The following RASA3 variants were observed in gnomAD, a reference collection of about 807,000 sequenced individuals.
RASA3 encodes ras GTPase-activating protein 3.
RASA3 carries 73 observed loss-of-function variants against 110.0 expected under a neutral mutation model. The ratio of observed to expected loss-of-function variants is 0.66; its 90% CI spans 0.55 to 0.81. RASA3 has a LOEUF of 0.81. RASA3 is among the 30% of genes least tolerant of loss of function. The pLI is 0.00. For missense variants in RASA3, 976 were observed against 1,113.2 expected (o/e 0.88, Z 1.75); for synonymous variants, 500 against 451.4 (o/e 1.11, Z -1.37).
At chr13:114,126,945 GC>G (rs1214044880) in intron 1 of RASA3, among the ~76,000 whole-genome samples, 1 of 151,922 alleles carries the variant, frequency 6.6e-6, no homozygotes, top group Non-Finnish European at 1.5e-5. Flanking sequence ...TCCCCCGAGG[GC>G]CCCCAGGAGC....
Position 114,013,219 on chromosome 13 carries a change from TCA to T in RASA3, c.1433_1434del (p.Val478GlufsTer56). Reference sequence around the variant, plus strand: ...AAGAACCTCAGGAAGATGAAGCTGCTCACTGCAGTGTACCTGACGTCCGGGTC... The same window carrying T: ...AAGAACCTCAGGAAGATGAAGCTGCTCTGCAGTGTACCTGACGTCCGGGTC... ...QDDPDVRYTA[V>X]SSFIFLRFFA... On this transcript the variant is annotated frameshift_variant, in exon 15 of 24. Coordinates refer to ENST00000334062, the MANE Select transcript of RASA3 (RefSeq NM_007368.4). LOFTEE classifies it high-confidence loss of function. 6.2e-7 allele frequency: 1 copy of T among 1,613,256 alleles called. No individual in the cohort carries two copies.
intron 21 of RASA3, among the ~76,000 whole-genome samples, chr13:113,994,983 A>G (rs2053198960): frequency 6.6e-6 from 1 of 152,188 alleles, no homozygotes; most frequent in Non-Finnish European, 1.5e-5. Flanking sequence ...CAAAGACATA[A>G]AACTAAAAAA....
Position 114,052,043 on chromosome 13 carries a change from A to G in RASA3, c.277+9T>C, listed in dbSNP as rs1359919509. ...GAAAAGGGGAAGTAAATGCTCATTC[A>G]TCACCTACCTATGATGGAATCCCTC... On this transcript the variant is annotated intron_variant, in intron 3 of 23. Transcript: ENST00000334062. The G allele has an allele frequency of 6.3e-7, 1 of 1,576,994 alleles. No individual in the cohort carries two copies. The highest frequency in any genetic ancestry group is 1.1e-5 in the South Asian group (1 of 90,256).
At position 113,995,797 on chromosome 13, in the gene RASA3, G is replaced by A. The variant is rs186812668; in HGVS notation, c.2141+734C>T. ...GGGGGGCCCGGCTGACGGGGGGTCC[G>A]GCTGATGGGGGTCCGGCTGACGGGG... is the stretch of plus-strand genomic sequence containing the variant. On this transcript the variant is annotated intron_variant, in intron 21 of 23. Transcript: ENST00000334062. Among the ~76,000 whole-genome samples, 112 of 25,568 alleles carry A rather than the reference G, an allele frequency of 4.4e-3. 18 individuals carry two copies. The highest frequency in any genetic ancestry group is 0.022 in the African/African-American group (52 of 2,362). 16.8% of individuals were successfully genotyped at this position (25,568 alleles called of 152,430 possible). A position where few individuals can be genotyped will look rare whatever the true frequency, so the allele number is the denominator to read the frequency against.
chr13:114,068,554 C>T (rs1232491751), intron 2 of RASA3, among the ~76,000 whole-genome samples: 2 of 152,202 alleles, frequency 1.3e-5, no homozygotes, highest in Non-Finnish European at 2.9e-5. Flanking sequence ...CGGTGATTTC[C>T]ACTGCAGCGC....
intron 1 of RASA3, among the ~76,000 whole-genome samples, chr13:114,116,927 CGTGT>C (rs1566585026): frequency 2.1e-5 from 2 of 95,092 alleles, no homozygotes; most frequent in South Asian, 3.9e-4. Flanking sequence ...GGGGTGAGCA[CGTGT>C]GTGAGGGGAG....
At chr13:114,016,168 G>A (rs763303177) in intron 13 of RASA3, 29 bp downstream of exon 13, 32 of 1,535,562 alleles carry the variant, frequency 2.1e-5, no homozygotes, top group African/African-American at 4.1e-5. Flanking sequence ...CAGGTGACTG[G>A]CTTTGGTTGG....
chr13:114,051,641 G>A (rs1413616223), intron 3 of RASA3, among the ~76,000 whole-genome samples: 13 of 75,802 alleles, frequency 1.7e-4, no homozygotes, highest in African/African-American at 6.3e-4. Flanking sequence ...ACCCCCACCC[G>A]CCCTTCCTGT....
intron 4 of RASA3, among the ~76,000 whole-genome samples, chr13:114,034,235 C>CA (rs1466286993): frequency 6.6e-6 from 1 of 152,266 alleles, no homozygotes; most frequent in Non-Finnish European, 1.5e-5. Flanking sequence ...CCAAGAATAA[C>CA]CAAGAATCCC....
At chr13:114,117,748 T>TGAGGGGTGCACGTGTGC (rs2080311133) in intron 1 of RASA3, among the ~76,000 whole-genome samples, 1 of 105,726 alleles carries the variant, frequency 9.5e-6, no homozygotes, top group Non-Finnish European at 1.9e-5. Context: ...AGCACGTGTG[T>TGAGGGGTGCACGTGTGC]GAGGGATGCA....
At chr13:113,992,678 G>A (rs2053146769) in intron 21 of RASA3, 90 bp from the exon 22 acceptor site, 19 of 978,510 alleles carry the variant, frequency 1.9e-5, no homozygotes, top group Non-Finnish European at 3.0e-5. Context: ...TGTCACTGAA[G>A]AAAGACAACG....
rs775285648 is a variant in RASA3 at position 114,018,748 on chromosome 13, G to A, written c.942+15C>T. On this transcript the variant is annotated intron_variant, in intron 10 of 23. Transcript: ENST00000334062. ...CCTCCTGCCCACACCCACAGGCCAC[G>A]GCGTGGACAAGCACCTCCACATCCG... 21 of 1,612,422 alleles carry A rather than the reference G, an allele frequency of 1.3e-5. No homozygotes were observed. In the Admixed American group the frequency reaches 1.5e-4, roughly 12 times the overall value.
At chr13:114,004,474 G>A (rs1007231918) in intron 18 of RASA3, among the ~76,000 whole-genome samples, 4 of 152,078 alleles carry the variant, frequency 2.6e-5, no homozygotes, top group East Asian at 1.9e-4. Flanking sequence ...AAAGCCCAGC[G>A]TGGCTCATCA....
intron 1 of RASA3, among the ~76,000 whole-genome samples, chr13:114,111,835 C>T (rs148986744): frequency 2.0e-5 from 3 of 152,110 alleles, no homozygotes; most frequent in African/African-American, 4.8e-5. Flanking sequence ...GTTAGGACAT[C>T]CCCAGCTGCA....
At chr13:114,121,220 A>AC (rs2080370728) in intron 1 of RASA3, among the ~76,000 whole-genome samples, 1 of 152,180 alleles carries the variant, frequency 6.6e-6, no homozygotes, top group Admixed American at 6.5e-5. Context: ...GCAGGAGGCC[A>AC]CCCGCGGGGC....
chr13:114,061,676 CAA>C (rs397963864), intron 2 of RASA3, among the ~76,000 whole-genome samples: 28 of 96,234 alleles, frequency 2.9e-4, no homozygotes, highest in African/African-American at 1.8e-4. Flanking sequence ...GACTCTGTCT[CAA>C]AAAAAAAAAA....
intron 23 of RASA3, 48 bp downstream of exon 23, chr13:113,981,627 C>T: frequency 6.3e-7 from 1 of 1,592,096 alleles, no homozygotes; most frequent in South Asian, 1.1e-5. Flanking sequence ...CTGCAATCTC[C>T]CGCCCACTAC....
intron 3 of RASA3, among the ~76,000 whole-genome samples, chr13:114,045,073 C>T (rs9525351): frequency 0.14 from 20,781 of 152,292 alleles, 1,795 homozygotes; most frequent in Middle Eastern, 0.21. Flanking sequence ...GGGGTCACTT[C>T]TGTCACCAGC....
At chr13:114,016,557 C>A (rs2053796697) in intron 12 of RASA3, among the ~76,000 whole-genome samples, 1 of 152,216 alleles carries the variant, frequency 6.6e-6, no homozygotes. Context: ...AAACACTAGG[C>A]ACGGGGCCCA....
Sources: allele counts gnomAD v4.1 joint callset (sites outside exome capture counted in the v4.1 genomes callset), GRCh38; gene constraint gnomAD v4.1.1; transcripts MANE v1.5; gene names NCBI Gene and HGNC (gene_info 2026-07-23, HGNC 2026-07-21).